ZNF148: variants seen among roughly 807,000 people sequenced by gnomAD.
The protein encoded by ZNF148 is Beta-Enolase Repressor Factor-1.
Under a neutral mutation model 67.7 loss-of-function variants are expected in ZNF148, and 7 were observed. That is an observed-to-expected ratio of 0.10 (90% CI 0.06 to 0.19). The LOEUF (loss-of-function observed/expected upper bound fraction) is 0.19, where lower values mean the gene tolerates loss of function less well. Ranked by LOEUF, ZNF148 falls within the 10% of genes least tolerant of loss-of-function variation. The pLI is 1.00. For synonymous variants in ZNF148, 333 were observed against 330.7 expected (o/e 1.01, Z -0.08); for missense variants, 583 against 947.1 (o/e 0.62, Z 5.05).
intron 2 of ZNF148, 43 bp from the exon 3 acceptor site, chr3:125,323,487 A>G (rs1940873737): frequency 1.6e-5 from 10 of 643,760 alleles, no homozygotes; most frequent in South Asian, 1.4e-4. Context: ...TTATGGTAGG[A>G]AAAGATACTA....
Position 125,358,259 on chromosome 3 carries a change from G to A in ZNF148, c.-234+16843C>T, listed in dbSNP as rs550625496. Among the ~76,000 whole-genome samples, 40 of 152,184 alleles carry A rather than the reference G, an allele frequency of 2.6e-4. 1 individual carries two copies. The South Asian group carries it at 8.3e-3, about 32-fold the overall frequency. On this transcript the variant is annotated intron_variant, in intron 1 of 8. Coordinates refer to ENST00000360647, the MANE Select transcript of ZNF148 (RefSeq NM_021964.3). ...ACCCAAAAGGCAGAGGTTGCAGTGA[G>A]GCGTGATAACGCCACTGCACTCCAC... is the stretch of plus-strand genomic sequence containing the variant.
At chr3:125,285,760 C>T (rs572343150) in intron 5 of ZNF148, among the ~76,000 whole-genome samples, 1 of 152,204 alleles carries the variant, frequency 6.6e-6, no homozygotes, top group East Asian at 1.9e-4. Context: ...CCTAAGAATT[C>T]TCTAAAGGGC....
At position 125,318,905 on chromosome 3, in the gene ZNF148, T is replaced by C. The variant is rs377552242; in HGVS notation, c.-17+4404A>G. Among the ~76,000 whole-genome samples the C allele has an allele frequency of 2.0e-4, 31 of 152,206 alleles. No individual in the cohort carries two copies. In the East Asian group the frequency reaches 2.9e-3, roughly 14 times the overall value. On this transcript the variant is annotated intron_variant, in intron 3 of 8. Coordinates refer to ENST00000360647, the MANE Select transcript of ZNF148 (RefSeq NM_021964.3). ...GCTTCCATGATTTATTCTTCCCTCATCACCATCCCTCTGCGAGAGAAACTG... is the reference window on the plus strand; with the variant it reads ...GCTTCCATGATTTATTCTTCCCTCACCACCATCCCTCTGCGAGAGAAACTG...
rs147369018 is a variant in ZNF148, at chr3:125,275,032, G to A, written c.667+2694C>T. 7.9e-5 allele frequency among the ~76,000 whole-genome samples: 12 copies of A among 152,220 alleles called. No individual in the cohort carries two copies. In the East Asian group the frequency reaches 2.3e-3, roughly 29 times the overall value. On this transcript the variant is annotated intron_variant, in intron 7 of 8. Transcript: ENST00000360647. The stretch of plus-strand genomic sequence containing the variant: ...CAGTAAGAACAGAATAATAAATGAT[G>A]GAGACCTATTTGTGGTTCTAGATAT...
chr3:125,312,811 C>T (rs761393457), intron 4 of ZNF148, among the ~76,000 whole-genome samples: 3 of 151,802 alleles, frequency 2.0e-5, no homozygotes, highest in Admixed American at 1.3e-4. Context: ...TCTTAAATGA[C>T]GTCTGAGGTA....
At chr3:125,338,079 G>A (rs540375270) in intron 1 of ZNF148, among the ~76,000 whole-genome samples, 32 of 152,194 alleles carry the variant, frequency 2.1e-4, no homozygotes, top group Admixed American at 1.5e-3. Flanking sequence ...ACTCCAGCCT[G>A]AGCAACAGAG....
At chr3:125,307,432 A>T (rs1939944138) in intron 4 of ZNF148, among the ~76,000 whole-genome samples, 2 of 151,864 alleles carry the variant, frequency 1.3e-5, no homozygotes, top group African/African-American at 4.8e-5. Context: ...GCCTCCGAGT[A>T]GCTGGGACCA....
At chr3:125,347,260 C>T (rs1941980980) in intron 1 of ZNF148, among the ~76,000 whole-genome samples, 1 of 152,176 alleles carries the variant, frequency 6.6e-6, no homozygotes. Flanking sequence ...GAAAATACTT[C>T]ACCAAATCAC....
intron 4 of ZNF148, among the ~76,000 whole-genome samples, chr3:125,295,475 C>T (rs1939235751): frequency 6.6e-6 from 1 of 151,146 alleles, no homozygotes; most frequent in Admixed American, 6.6e-5. Context: ...AGACAAAATG[C>T]CAAGAATATT....
At chr3:125,352,981 T>G (rs1008269257) in intron 1 of ZNF148, among the ~76,000 whole-genome samples, 3 of 152,202 alleles carry the variant, frequency 2.0e-5, no homozygotes, top group African/African-American at 7.2e-5. Context: ...AACTGATTTT[T>G]GAGCAGTTTG....
rs180881255 is a variant in ZNF148 at position 125,265,718 on chromosome 3, G to T, written c.667+12008C>A. Among the ~76,000 whole-genome samples the T allele has an allele frequency of 5.3e-4, 80 of 152,296 alleles. 1 individual carries two copies. The highest frequency in any genetic ancestry group is 1.9e-3 in the African/African-American group (79 of 41,564). ...AGGTGAAGAGAGATGAAGTGGGAAA[G>T]AATATATATGATTGATTTTTAAGGT... On this transcript the variant is annotated intron_variant, in intron 7 of 8. Transcript: ENST00000360647.
Position 125,279,235 on chromosome 3 carries a change from T to G in ZNF148, c.472A>C (p.Asn158His). The G allele has an allele frequency of 6.4e-7, 1 of 1,573,600 alleles. No homozygotes were observed. The change falls in exon 6 of 9, where the codon AAT (asparagine) becomes CAT (histidine). Residue 158 changes from asparagine to histidine, a missense_variant. This residue lies in a region of ZNF148 where 150 missense variants were observed against 202.5 expected (regional missense o/e 0.74). Coordinates refer to ENST00000360647, the MANE Select transcript of ZNF148 (RefSeq NM_021964.3). ...TTCAAACCAAGTGATCCATCCTCAT[T>G]TATTGTAAGGATCTAGTTCAAAAAA... ...QRSPAKILTI[N>H]EDGSLGLKTP...
At chr3:125,237,738 A>C (rs1936157483) in intron 7 of ZNF148, among the ~76,000 whole-genome samples, 1 of 152,220 alleles carries the variant, frequency 6.6e-6, no homozygotes, top group South Asian at 2.1e-4. Context: ...GGAAGACTTA[A>C]CATTAAGATG....
At position 125,233,749 on chromosome 3, in the gene ZNF148, C is replaced by T. The variant is rs766773122; in HGVS notation, c.977G>A (p.Gly326Glu). The T allele has an allele frequency of 1.9e-6, 3 of 1,613,682 alleles. No homozygotes were observed. The Admixed American group carries it at 5.0e-5, about 27-fold the overall frequency. ...KRQKTEKKSS[G>E]MDKESALDKS... Reference sequence around the variant, plus strand: ...GTCCAAAGCACTCTCTTTGTCCATTCCAGATGATTTTTTCTCCGTTTTCTG... The same window carrying T: ...GTCCAAAGCACTCTCTTTGTCCATTTCAGATGATTTTTTCTCCGTTTTCTG... The change falls in exon 9 of 9, where the codon GGA becomes GAA. Residue 326 changes from glycine (G) to glutamate (E), a missense_variant. Physicochemically the swap from Gly to Glu is moderately conservative, Grantham distance 98 (BLOSUM62 -2). Around this residue, in one of 5 missense-constraint regions of ZNF148, gnomAD observed 78 missense variants for 86.5 expected, o/e 0.90. Coordinates refer to ENST00000360647, the MANE Select transcript of ZNF148 (RefSeq NM_021964.3). This position sits in a 1 kb window ranked among gnomAD's most constrained non-coding sequence, Gnocchi z 5.1.
At chr3:125,318,992 G>A (rs1054584452) in intron 3 of ZNF148, among the ~76,000 whole-genome samples, 27 of 151,724 alleles carry the variant, frequency 1.8e-4, no homozygotes, top group African/African-American at 6.3e-4. Flanking sequence ...TCCCCTCCCT[G>A]CTCCCACTCC....
intron 7 of ZNF148, among the ~76,000 whole-genome samples, chr3:125,245,584 G>A (rs1223529059): frequency 6.6e-6 from 1 of 152,110 alleles, no homozygotes; most frequent in East Asian, 1.9e-4. Context: ...CCTCTAAACT[G>A]CACAAATGAG....
At chr3:125,242,885 A>T (rs1360347507) in intron 7 of ZNF148, among the ~76,000 whole-genome samples, 1 of 152,206 alleles carries the variant, frequency 6.6e-6, no homozygotes, top group Non-Finnish European at 1.5e-5. Context: ...GACTGTTCAT[A>T]AGCCAGAACC....
chr3:125,234,036 T>G, intron 8 of ZNF148, 97 bp from the exon 9 acceptor site: 1 of 1,412,728 alleles, frequency 7.1e-7, no homozygotes, highest in East Asian at 2.5e-5. Flanking sequence ...GATATATTAA[T>G]GCAATAACAT....
chr3:125,287,264 AT>A (rs1938710876), intron 5 of ZNF148, among the ~76,000 whole-genome samples: 1 of 152,320 alleles, frequency 6.6e-6, no homozygotes, highest in South Asian at 2.1e-4. Flanking sequence ...AACTATAAAA[AT>A]GCAAATATGC....
Sources: gnomAD v4.1 joint callset for allele counts (sites outside exome capture counted in the v4.1 genomes callset) on GRCh38, gnomAD v4.1.1 for gene constraint, gnomAD v4.1.1 regional missense constraint, Gnocchi (gnomAD v3.1) non-coding constraint, MANE v1.5 for transcripts, NCBI Gene and HGNC (gene_info 2026-07-23, HGNC 2026-07-21) for gene names.